Variants in WWC1 observed in about 807,000 individuals in gnomAD.
WWC1 encodes WW and C2 domain containing 1.
Under a neutral mutation model 138.4 loss-of-function variants are expected in WWC1, and 55 were observed. The observed-to-expected ratio is 0.40, with a 90% CI of 0.32 to 0.50. The LOEUF is 0.50. WWC1 is among the 20% of genes least tolerant of loss of function. The probability of loss-of-function intolerance (pLI) is 0.72; values close to 1 mark genes in which losing one functional copy is unlikely to be tolerated. For synonymous variants in WWC1, 524 were observed against 564.9 expected (o/e 0.93, Z 1.03); for missense variants, 1,226 against 1,420.4 (o/e 0.86, Z 2.20).
chr5:168,382,838 G>A (rs551597262), intron 2 of WWC1, among the ~76,000 whole-genome samples: 1 of 152,262 alleles, frequency 6.6e-6, no homozygotes, highest in African/African-American at 2.4e-5. Context: ...CTCAGAAAAA[G>A]GAGGAGGAAA....
At chr5:168,364,095 C>T (rs1776102726) in intron 1 of WWC1, among the ~76,000 whole-genome samples, 1 of 152,128 alleles carries the variant, frequency 6.6e-6, no homozygotes, top group African/African-American at 2.4e-5. Flanking sequence ...TAGGTTATCT[C>T]ATTTAATCCC....
At chr5:168,386,686 TGCCCTC>T (rs1778076085) in intron 3 of WWC1, among the ~76,000 whole-genome samples, 3 of 147,642 alleles carry the variant, frequency 2.0e-5, no homozygotes, top group African/African-American at 7.6e-5. Flanking sequence ...TGAGCCACCG[TGCCCTC>T]GCTCTGTTGC....
At chr5:168,448,681 C>T (rs1276753001) in intron 17 of WWC1, among the ~76,000 whole-genome samples, 2 of 143,344 alleles carry the variant, frequency 1.4e-5, no homozygotes, top group Admixed American at 7.3e-5. Context: ...TGCAGTGGCA[C>T]GATCTCAGCT....
chr5:168,445,689 G>A (rs1487691213), intron 17 of WWC1, among the ~76,000 whole-genome samples: 2 of 126,846 alleles, frequency 1.6e-5, no homozygotes. Flanking sequence ...GTGACAGAGT[G>A]AGACTCTGTC....
intron 1 of WWC1, among the ~76,000 whole-genome samples, chr5:168,312,079 A>G (rs905637190): frequency 1.7e-4 from 25 of 150,418 alleles, no homozygotes; most frequent in African/African-American, 6.1e-4. Context: ...TTAGCCAGGC[A>G]TTGTGGTGCA....
At chr5:168,331,233 A>G (rs1426822251) in intron 1 of WWC1, among the ~76,000 whole-genome samples, 2 of 152,226 alleles carry the variant, frequency 1.3e-5, no homozygotes, top group Non-Finnish European at 2.9e-5. Context: ...AAGATACATG[A>G]TGGAGCATTC....
At position 168,327,182 on chromosome 5, in the gene WWC1, T is replaced by G. The variant is rs141391877; in HGVS notation, c.119+34911T>G. Among the ~76,000 whole-genome samples the G allele has an allele frequency of 1.7e-4, 26 of 152,366 alleles. No individual in the cohort carries two copies. The East Asian group carries it at 4.8e-3, about 28-fold the overall frequency. On this transcript the variant is annotated intron_variant, in intron 1 of 22. Coordinates refer to ENST00000265293, the MANE Select transcript of WWC1 (RefSeq NM_015238.3). ...CCTTCTCAGAAATTGCTCATGGTTCTCCAGTGCTCATAGAAAACCCCAAAA... is the reference window on the plus strand; with the variant it reads ...CCTTCTCAGAAATTGCTCATGGTTCGCCAGTGCTCATAGAAAACCCCAAAA...
At position 168,444,489 on chromosome 5, in the gene WWC1, T is replaced by C; in HGVS notation, c.2434-5T>C. On this transcript the variant is annotated splice_region_variant and splice_polypyrimidine_tract_variant and intron_variant, in intron 16 of 22. Transcript: ENST00000265293. ...CCAATGACCCAGCAACCTTTGTCTC[T>C]ATAGGACGCTGTGTCTGCTCTGTTG... The C allele has an allele frequency of 6.4e-7, 1 of 1,564,338 alleles. No homozygotes were observed. Among genetic ancestry groups the C allele is most frequent in the Non-Finnish European group, 8.7e-7 (1 of 1,153,090 alleles).
At chr5:168,414,249 C>T (rs1780425168) in intron 8 of WWC1, 99 bp from the exon 9 acceptor site, 4 of 1,484,560 alleles carry the variant, frequency 2.7e-6, no homozygotes, top group Non-Finnish European at 3.6e-6. Context: ...AAGACAGTAA[C>T]TGTCAAAGAT....
chr5:168,335,702 G>A (rs898593959), intron 1 of WWC1, among the ~76,000 whole-genome samples: 1 of 152,224 alleles, frequency 6.6e-6, no homozygotes, highest in African/African-American at 2.4e-5. Context: ...TCTGAGCACT[G>A]TGTCACCTCC....
At chr5:168,404,930 C>T (rs181897642) in intron 5 of WWC1, among the ~76,000 whole-genome samples, 335 of 149,884 alleles carry the variant, frequency 2.2e-3, no homozygotes, top group African/African-American at 7.9e-3. Context: ...CAAAATGAAC[C>T]TGTATGTAGG....
chr5:168,426,184 T>G (rs1245663036), intron 11 of WWC1, among the ~76,000 whole-genome samples: 1 of 152,164 alleles, frequency 6.6e-6, no homozygotes, highest in Non-Finnish European at 1.5e-5. Flanking sequence ...TCCCTGGGTT[T>G]CCCTCATCAG....
intron 13 of WWC1, among the ~76,000 whole-genome samples, chr5:168,429,063 G>T (rs996589559): frequency 1.3e-5 from 2 of 152,076 alleles, no homozygotes; most frequent in Non-Finnish European, 2.9e-5. Flanking sequence ...TGGTAGCAGA[G>T]CCAGGACTGG....
At chr5:168,320,115 A>G (rs1041274563) in intron 1 of WWC1, among the ~76,000 whole-genome samples, 1 of 151,620 alleles carries the variant, frequency 6.6e-6, no homozygotes, top group Admixed American at 6.6e-5. Flanking sequence ...GCTCACTGCA[A>G]CTGCCACCTC....
intron 1 of WWC1, chr5:168,316,848 T>C (rs1422911132): frequency 6.6e-6 from 1 of 152,230 alleles, no homozygotes; most frequent in African/African-American, 2.4e-5. Flanking sequence ...TTTGTGCTTT[T>C]TTCTTTATGA....
At chr5:168,392,527 A>C (rs1335187821) in intron 3 of WWC1, among the ~76,000 whole-genome samples, 1 of 152,152 alleles carries the variant, frequency 6.6e-6, no homozygotes, top group East Asian at 1.9e-4. Flanking sequence ...ACTCTACAAA[A>C]AATTTAAAGA....
chr5:168,297,607 C>T (rs1331035332), intron 1 of WWC1, among the ~76,000 whole-genome samples: 3 of 107,018 alleles, frequency 2.8e-5, no homozygotes, highest in Admixed American at 1.4e-4. Flanking sequence ...TCCTGGGCAA[C>T]AAGAGCGAAA....
intron 14 of WWC1, among the ~76,000 whole-genome samples, chr5:168,430,523 TG>T (rs1428515527): frequency 2.0e-5 from 3 of 152,208 alleles, no homozygotes; most frequent in African/African-American, 7.2e-5. Context: ...AGATCCTTCC[TG>T]GGCCCTACCC....
chr5:168,334,223 C>A (rs1773267154), intron 1 of WWC1, among the ~76,000 whole-genome samples: 1 of 148,352 alleles, frequency 6.7e-6, no homozygotes, highest in African/African-American at 2.4e-5. Flanking sequence ...GATCCTGTCT[C>A]AAAACAACAA....
Sources: allele counts gnomAD v4.1 joint callset (sites outside exome capture counted in the v4.1 genomes callset), GRCh38; gene constraint gnomAD v4.1.1; transcripts MANE v1.5; gene names NCBI Gene and HGNC (gene_info 2026-07-23, HGNC 2026-07-21).